Variants in PDE1A observed in about 807,000 individuals in gnomAD.
PDE1A encodes the protein phosphodiesterase 1A.
Under a neutral mutation model 61.7 loss-of-function variants are expected in PDE1A, and 35 were observed. The ratio of observed to expected loss-of-function variants is 0.57; its 90% CI spans 0.43 to 0.75. PDE1A has a LOEUF of 0.75. Ranked by LOEUF, PDE1A falls within the 30% of genes least tolerant of loss-of-function variation. PDE1A has a pLI of 0.00. For missense variants in PDE1A, 597 were observed against 630.6 expected (o/e 0.95, Z 0.57); for synonymous variants, 232 against 213.2 (o/e 1.09, Z -0.77).
rs545394561 is a variant in PDE1A, at chr2:182,219,417, C to A, written c.776+4447G>T. ...GAACCTGGGCTTGTCCTTCCTCTAT[C>A]CTCCTAGGTTGCCAGATCATTATGC... On this transcript the variant is annotated intron_variant, in intron 7 of 13. Transcript: ENST00000351439. Among the ~76,000 whole-genome samples, 4 of 152,150 alleles carry A rather than the reference C, an allele frequency of 2.6e-5. No homozygotes were observed. The East Asian group carries it at 5.8e-4, about 22-fold the overall frequency.
chr2:182,284,060 G>A (rs575849210), intron 1 of PDE1A, among the ~76,000 whole-genome samples: 34 of 152,152 alleles, frequency 2.2e-4, no homozygotes, highest in Middle Eastern at 3.4e-3. Context: ...AGCGGCTAGT[G>A]ACCTGGCAGC....
intron 2 of PDE1A, among the ~76,000 whole-genome samples, chr2:182,240,508 G>A (rs1690417969): frequency 6.6e-6 from 1 of 152,098 alleles, no homozygotes; most frequent in South Asian, 2.1e-4. Context: ...GAATAGACTT[G>A]AGCATTTGCA....
chr2:182,496,597 G>C (rs1046336090), intron 2 of PDE1A, among the ~76,000 whole-genome samples: 2 of 152,212 alleles, frequency 1.3e-5, no homozygotes, highest in Non-Finnish European at 2.9e-5. Context: ...ACTGCCAATT[G>C]AAAGGGGCCT....
intron 7 of PDE1A, among the ~76,000 whole-genome samples, chr2:182,211,689 C>T (rs181360918): frequency 1.3e-5 from 2 of 152,292 alleles, no homozygotes; most frequent in Admixed American, 1.3e-4. Flanking sequence ...CAAAGTTTTA[C>T]AGTTTTTCTT....
chr2:182,416,823 T>C (rs1702946692), intron 1 of PDE1A, among the ~76,000 whole-genome samples: 1 of 152,234 alleles, frequency 6.6e-6, no homozygotes, highest in South Asian at 2.1e-4. Context: ...TAAACGAGTT[T>C]TACTACAAAA....
At chr2:182,482,885 A>C (rs1687790707) in intron 2 of PDE1A, among the ~76,000 whole-genome samples, 2 of 151,944 alleles carry the variant, frequency 1.3e-5, no homozygotes, top group Admixed American at 1.3e-4. Flanking sequence ...TAAACACTAC[A>C]ATCAAAAGGC....
the PDE1A span, among the ~76,000 whole-genome samples, chr2:182,605,907 A>C: frequency 1.3e-5 from 2 of 152,200 alleles, no homozygotes; most frequent in Admixed American, 6.5e-5. Context: ...ACATACACAC[A>C]CCAAAACATC....
intron 1 of PDE1A, among the ~76,000 whole-genome samples, chr2:182,387,840 C>A (rs1279674935): frequency 6.6e-6 from 1 of 151,814 alleles, no homozygotes; most frequent in African/African-American, 2.4e-5. Flanking sequence ...GCAGCAGTAT[C>A]AATAATTACC....
chr2:182,446,494 T>C (rs17356214), intron 2 of PDE1A, among the ~76,000 whole-genome samples: 27,000 of 152,078 alleles, frequency 0.18, 2,820 homozygotes, highest in Middle Eastern at 0.36. Context: ...TACTACAACA[T>C]ACCTTGACTG....
the PDE1A span, among the ~76,000 whole-genome samples, chr2:182,651,814 C>T: frequency 8.5e-5 from 13 of 152,260 alleles, no homozygotes; most frequent in African/African-American, 3.1e-4. Context: ...CTTCGCCCCA[C>T]TTAAGACATA....
chr2:182,628,054 G>A, the PDE1A span, among the ~76,000 whole-genome samples: 1 of 150,658 alleles, frequency 6.6e-6, no homozygotes, highest in Non-Finnish European at 1.5e-5. Context: ...GTGTATGTGT[G>A]CACACACACA....
the PDE1A span, among the ~76,000 whole-genome samples, chr2:182,655,906 A>T: frequency 6.6e-6 from 1 of 152,204 alleles, no homozygotes; most frequent in African/African-American, 2.4e-5. Context: ...ATTAAATTCC[A>T]GTCCCAATCT....
At chr2:182,404,082 A>G (rs1440560530) in intron 1 of PDE1A, among the ~76,000 whole-genome samples, 1 of 152,194 alleles carries the variant, frequency 6.6e-6, no homozygotes, top group East Asian at 1.9e-4. Context: ...CTACAAGAGG[A>G]AAAATATGCT....
At chr2:182,364,493 A>AAC (rs1699722111) in intron 1 of PDE1A, among the ~76,000 whole-genome samples, 1 of 144,790 alleles carries the variant, frequency 6.9e-6, no homozygotes, top group Admixed American at 6.9e-5. Context: ...AAAAAAAAAA[A>AAC]AAAAAACCTT....
At chr2:182,396,784 G>GT (rs763504003) in intron 1 of PDE1A, among the ~76,000 whole-genome samples, 10 of 152,162 alleles carry the variant, frequency 6.6e-5, no homozygotes, top group Non-Finnish European at 1.2e-4. Flanking sequence ...GTCTTTATTT[G>GT]AAGATTATGT....
chr2:182,564,562 T>C, the PDE1A span, among the ~76,000 whole-genome samples: 6 of 152,218 alleles, frequency 3.9e-5, no homozygotes, highest in African/African-American at 1.4e-4. Flanking sequence ...AGTATCTTTG[T>C]GGCGTTCTCT....
chr2:182,252,919 A>G (rs888785849), intron 2 of PDE1A, among the ~76,000 whole-genome samples: 1 of 152,236 alleles, frequency 6.6e-6, no homozygotes, highest in South Asian at 2.1e-4. Flanking sequence ...GAAGTAGGCT[A>G]TATAAATATA....
the PDE1A span, among the ~76,000 whole-genome samples, chr2:182,683,323 C>T: frequency 6.6e-6 from 1 of 152,024 alleles, no homozygotes; most frequent in African/African-American, 2.4e-5. Context: ...ATGATCCACC[C>T]ACCTCGGCCT....
chr2:182,515,569 G>C (rs1479304307), intron 2 of PDE1A, among the ~76,000 whole-genome samples: 1 of 152,104 alleles, frequency 6.6e-6, no homozygotes, highest in Non-Finnish European at 1.5e-5. Flanking sequence ...TGTTATGTAG[G>C]ACTGAATATT....
Sources: allele counts gnomAD v4.1 joint callset (sites outside exome capture counted in the v4.1 genomes callset), GRCh38; gene constraint gnomAD v4.1.1; transcripts MANE v1.5; gene names NCBI Gene and HGNC (gene_info 2026-07-23, HGNC 2026-07-21).